Variants in PDPK1 observed in about 807,000 individuals in gnomAD.
PDPK1 encodes 3-phosphoinositide-dependent protein kinase 1.
PDPK1 carries 7 observed loss-of-function variants against 39.8 expected under a neutral mutation model. The ratio of observed to expected loss-of-function variants is 0.18; its 90% CI spans 0.10 to 0.33. The LOEUF (loss-of-function observed/expected upper bound fraction) is 0.33. Ranked by LOEUF, PDPK1 falls within the 10% of genes least tolerant of loss-of-function variation. The pLI, the probability that PDPK1 is intolerant of heterozygous loss-of-function variation, is 1.00. For synonymous variants in PDPK1, 118 were observed against 159.1 expected (o/e 0.74, Z 1.95); for missense variants, 182 against 384.7 (o/e 0.47, Z 4.41).
intron 1 of PDPK1, among the ~76,000 whole-genome samples, chr16:2,551,659 CTTTT>C (rs1174322765): frequency 2.2e-4 from 29 of 132,766 alleles, no homozygotes; most frequent in African/African-American, 7.8e-4. Flanking sequence ...TGATTTCCAT[CTTTT>C]TTTTTTTTTT....
chr16:2,585,052 C>G (rs530831958), intron 10 of PDPK1, among the ~76,000 whole-genome samples: 4 of 152,306 alleles, frequency 2.6e-5, no homozygotes, highest in Non-Finnish European at 5.9e-5. Context: ...CTCCATTGCT[C>G]CCAGGGAGGT....
intron 11 of PDPK1, among the ~76,000 whole-genome samples, chr16:2,587,536 T>G (rs995963602): frequency 6.6e-6 from 1 of 152,050 alleles, no homozygotes. Flanking sequence ...TGAGACAGAG[T>G]GTTGCTCTGT....
At chr16:2,589,665 G>A (rs2066947756) in intron 11 of PDPK1, among the ~76,000 whole-genome samples, 1 of 150,504 alleles carries the variant, frequency 6.6e-6, no homozygotes, top group African/African-American at 2.5e-5. Context: ...CCCCAGCCTG[G>A]GTGACAGAGT....
At chr16:2,543,595 C>T (rs958273344) in intron 1 of PDPK1, among the ~76,000 whole-genome samples, 1 of 149,930 alleles carries the variant, frequency 6.7e-6, no homozygotes, top group African/African-American at 2.5e-5. Flanking sequence ...CCAGGATGTT[C>T]CCTGCTGCCC....
Position 2,586,696 on chromosome 16 carries a change from G to C in PDPK1, c.1146G>C (p.Gln382His). The C allele has an allele frequency of 1.9e-6, 3 of 1,614,248 alleles. No homozygotes were observed. The South Asian group carries it at 3.3e-5, about 18-fold the overall frequency. Residue 382 changes from glutamine (Q) to histidine (H), a missense_variant, in exon 11 of 14, where the codon CAG becomes CAC. Transcript: ENST00000342085. ...CYGNYDNLLS[Q>H]FGCMQVSSSS... ...TGCAGTATGACAATCTCCTGAGCCA[G>C]TTTGGCTGCATGCAGGTGTCTTCGT...
Position 2,597,830 on chromosome 16 carries a change from C to T in PDPK1, c.*63C>T, listed in dbSNP as rs1597079844. On this transcript the variant is annotated 3_prime_UTR_variant, in exon 14 of 14. Coordinates refer to ENST00000342085, the MANE Select transcript of PDPK1 (RefSeq NM_002613.5). The surrounding 1 kb of genome is among the most constrained non-coding windows in gnomAD (Gnocchi z 6.3). ...ACCTGCCCCAGCGCGGCTTGGCCGC[C>T]ATCCGGGACGCTTCCAGACCACCTG... The T allele has an allele frequency of 9.0e-7, 1 of 1,115,996 alleles. No homozygotes were observed. The highest frequency in any genetic ancestry group is 1.8e-5 in the Admixed American group (1 of 54,604). The allele number at this position is 1,115,996 out of a possible 1,614,324, so 69.1% of individuals were successfully genotyped here.
rs2067164945 is a variant in PDPK1, at chr16:2,599,255, C to T, written c.*1488C>T. On this transcript the variant is annotated 3_prime_UTR_variant, in exon 14 of 14. Coordinates refer to ENST00000342085, the MANE Select transcript of PDPK1 (RefSeq NM_002613.5). ...AGAGGCAGACATTGCTGCCCACAGA[C>T]CTGCCTCTGACTCAACTGTGTCCAC... 4.3e-6 allele frequency: 1 copy of T among 233,160 alleles called. No homozygotes were observed. Among genetic ancestry groups the T allele is most frequent in the Admixed American group, 5.6e-5 (1 of 17,788 alleles). The allele number at this position is 233,160 out of a possible 1,614,324, so 14.4% of individuals were successfully genotyped here.
At chr16:2,547,191 A>G (rs1220675417) in intron 1 of PDPK1, among the ~76,000 whole-genome samples, 2 of 149,976 alleles carry the variant, frequency 1.3e-5, no homozygotes, top group Non-Finnish European at 2.9e-5. Flanking sequence ...CTTACGAGCT[A>G]GGAAGGCTGA....
chr16:2,543,466 A>G (rs1425785065), intron 1 of PDPK1, among the ~76,000 whole-genome samples: 5 of 118,568 alleles, frequency 4.2e-5, no homozygotes, highest in African/African-American at 1.4e-4. Context: ...CCCAGATGCC[A>G]GCACTCCTGC....
In PDPK1 at chr16:2,601,476, G is replaced by A. The variant is rs1430884261; in HGVS notation, c.*3709G>A. 8.5e-6 allele frequency: 2 copies of A among 234,384 alleles called. No homozygotes were observed. Among genetic ancestry groups the A allele is most frequent in the Admixed American group, 5.6e-5 (1 of 17,784 alleles). The allele number at this position is 234,384 out of a possible 1,614,324, so 14.5% of individuals were successfully genotyped here. A position where few individuals can be genotyped will look rare whatever the true frequency, so the allele number is the denominator to read the frequency against. The stretch of plus-strand genomic sequence containing the variant: ...GCTTTCAAGCGCTTGGCAGAATCTT[G>A]TACTTCGTGTCCACAATGGTACTGA... On this transcript the variant is annotated 3_prime_UTR_variant, in exon 14 of 14. Transcript: ENST00000342085.
chr16:2,590,467 A>G (rs1043022921), intron 11 of PDPK1, among the ~76,000 whole-genome samples: 3 of 152,056 alleles, frequency 2.0e-5, no homozygotes, highest in African/African-American at 7.3e-5. Flanking sequence ...ACTTTGTGGG[A>G]TGAAGTGGGA....
At chr16:2,587,225 C>G (rs1301287003) in intron 11 of PDPK1, among the ~76,000 whole-genome samples, 2 of 152,206 alleles carry the variant, frequency 1.3e-5, no homozygotes, top group South Asian at 2.1e-4. Flanking sequence ...CCCCTCTTTT[C>G]CACATAGCTT....
chr16:2,553,120 G>T (rs556753316), intron 1 of PDPK1, among the ~76,000 whole-genome samples: 1 of 144,866 alleles, frequency 6.9e-6, no homozygotes, highest in Non-Finnish European at 1.5e-5. Context: ...CACCTGTGAG[G>T]TGGGCACTGG....
intron 11 of PDPK1, among the ~76,000 whole-genome samples, chr16:2,587,301 G>A (rs193118021): frequency 1.6e-3 from 242 of 152,274 alleles, no homozygotes; most frequent in African/African-American, 5.6e-3. Flanking sequence ...GAGGGCGTGC[G>A]TGTTTTCAGG....
At chr16:2,584,518 C>T (rs2066822660) in intron 10 of PDPK1, among the ~76,000 whole-genome samples, 1 of 149,378 alleles carries the variant, frequency 6.7e-6, no homozygotes, top group Non-Finnish European at 1.5e-5. Flanking sequence ...CAGGTGTGCA[C>T]CACCATGCCC....
At chr16:2,544,185 CTGTA>C (rs750616845) in intron 1 of PDPK1, among the ~76,000 whole-genome samples, 4 of 152,284 alleles carry the variant, frequency 2.6e-5, no homozygotes, top group South Asian at 4.1e-4. Flanking sequence ...GGATGGCAGA[CTGTA>C]TGTACTCTCC....
rs1239986600 is a variant in PDPK1, at chr16:2,602,029, G to T, written c.*4262G>T. 1 of 234,184 alleles carries T rather than the reference G, an allele frequency of 4.3e-6. No individual in the cohort carries two copies. The highest frequency in any genetic ancestry group is 2.2e-5 in the African/African-American group (1 of 45,228). The allele number at this position is 234,184 out of a possible 1,614,324, so 14.5% of individuals were successfully genotyped here. ...GGAATTTGGTTTCTTGCCCTCTGAA[G>T]CCTGAGGGCCCCCCCTTGCCTGGCT... is the stretch of plus-strand genomic sequence containing the variant. On this transcript the variant is annotated 3_prime_UTR_variant, in exon 14 of 14. Coordinates refer to ENST00000342085, the MANE Select transcript of PDPK1 (RefSeq NM_002613.5).
chr16:2,589,696 GAA>G (rs530064221), intron 11 of PDPK1, among the ~76,000 whole-genome samples: 1,125 of 74,608 alleles, frequency 0.015, 14 homozygotes, highest in African/African-American at 0.044. Flanking sequence ...CTCAAAATTG[GAA>G]AAAAAAAAAA....
intron 2 of PDPK1, 85 bp downstream of exon 2, chr16:2,558,048 A>C: frequency 1.3e-6 from 2 of 1,529,156 alleles, no homozygotes. Flanking sequence ...GGAGACTCCA[A>C]GCAAGGCTGG....
Sources: gnomAD v4.1 joint callset for allele counts (sites outside exome capture counted in the v4.1 genomes callset) on GRCh38, gnomAD v4.1.1 for gene constraint, Gnocchi (gnomAD v3.1) non-coding constraint, MANE v1.5 for transcripts, NCBI Gene and HGNC (gene_info 2026-07-23, HGNC 2026-07-21) for gene names.